Variants in PHYH observed in about 807,000 individuals in gnomAD.
The protein encoded by PHYH is phytanoyl-CoA 2-hydroxylase.
Under a neutral mutation model 38.5 loss-of-function variants are expected in PHYH, and 32 were observed. The ratio of observed to expected loss-of-function variants is 0.83; its 90% CI spans 0.63 to 1.12. PHYH has a LOEUF of 1.12. Ranked by LOEUF, PHYH falls within the 50% of genes most tolerant of loss-of-function variation. The probability of loss-of-function intolerance (pLI) is 0.00; values close to 1 mark genes in which losing one functional copy is unlikely to be tolerated. For synonymous variants in PHYH, 166 were observed against 157.9 expected (o/e 1.05, Z -0.38); for missense variants, 426 against 434.8 (o/e 0.98, Z 0.18).
chr10:13,281,747 T>G (rs1835418750), intron 7 of PHYH, among the ~76,000 whole-genome samples: 1 of 152,196 alleles, frequency 6.6e-6, no homozygotes, highest in Admixed American at 6.5e-5. Flanking sequence ...AAAACTTACC[T>G]TTTTTGTCAC....
intron 5 of PHYH, among the ~76,000 whole-genome samples, chr10:13,289,626 T>C (rs1835653693): frequency 6.6e-6 from 1 of 152,002 alleles, no homozygotes; most frequent in Non-Finnish European, 1.5e-5. Flanking sequence ...CCCTTTGAAG[T>C]GGCTGATGTC....
At position 13,294,908 on chromosome 10, in the gene PHYH, T is replaced by A. The variant is rs537656158; in HGVS notation, c.246-312A>T. On this transcript the variant is annotated intron_variant, in intron 3 of 8. Coordinates refer to ENST00000263038, the MANE Select transcript of PHYH (RefSeq NM_006214.4). ...GTGCCCAGCTCTCTTCAAAGTGGTT[T>A]CCATATATTTCACCGTATTTAGTCC... is the stretch of plus-strand genomic sequence containing the variant. 18 of 400,946 alleles carry A rather than the reference T, an allele frequency of 4.5e-5. 1 individual carries two copies. The highest frequency in any genetic ancestry group is 3.5e-4 in the South Asian group (16 of 45,724). 24.8% of individuals were successfully genotyped at this position (400,946 alleles called of 1,614,324 possible).
In PHYH at chr10:13,288,428, C is replaced by T. The variant is rs104894173; in HGVS notation, c.610G>A (p.Gly204Ser). 1.6e-5 allele frequency: 26 copies of T among 1,614,054 alleles called. No individual in the cohort carries two copies. The highest frequency in any genetic ancestry group is 1.6e-4 in the Middle Eastern group (1 of 6,070). The part of the protein sequence containing the change: ...TAMEHISRNN[G>S]CLVVLPGTHK... ...GTGCCTGGGAGCACAACCAGACAGC[C>T]GTTGTTCCGGCTGATGTGCTCCATC... The change falls in exon 6 of 9, where the codon GGC becomes AGC. Residue 204 changes from glycine (G) to serine (S), a missense_variant. By Grantham distance (56) the Gly-to-Ser change is moderately conservative. Transcript: ENST00000263038.
At chr10:13,293,158 T>A (rs1835754962) in intron 4 of PHYH, among the ~76,000 whole-genome samples, 2 of 152,152 alleles carry the variant, frequency 1.3e-5, no homozygotes, top group Non-Finnish European at 2.9e-5. Context: ...TAAAGCCTGG[T>A]ATTTTTTTGT....
At chr10:13,282,479 C>G (rs1228523447) in intron 7 of PHYH, among the ~76,000 whole-genome samples, 1 of 151,050 alleles carries the variant, frequency 6.6e-6, no homozygotes, top group African/African-American at 2.4e-5. Context: ...GTAGTCTCAG[C>G]TACTCACGAG....
chr10:13,278,575 C>T (rs982401092), intron 8 of PHYH, among the ~76,000 whole-genome samples: 4 of 152,168 alleles, frequency 2.6e-5, no homozygotes, highest in Admixed American at 6.5e-5. Context: ...AGTCTCACCC[C>T]ATTGCCCAGG....
At chr10:13,282,338 C>T (rs1835431650) in intron 7 of PHYH, among the ~76,000 whole-genome samples, 7 of 151,916 alleles carry the variant, frequency 4.6e-5, no homozygotes. Flanking sequence ...CATCTGTCAT[C>T]CTAGCATTTT....
rs201383447 is a variant in PHYH, at chr10:13,288,480, G to A, written c.558C>T (p.Ser186=). 1.2e-6 allele frequency: 2 copies of A among 1,614,186 alleles called. No individual in the cohort carries two copies. Among genetic ancestry groups the A allele is most frequent in the East Asian group, 2.2e-5 (1 of 44,870 alleles). The part of the protein sequence containing the change: ...QDLHYFPFRP[S]DLIVCAWTAM... ...CCGTCCAGGCGCAAACGATGAGATCGCTGGGCCTGAAGGGGAAATAGTGCA... is the reference window on the plus strand; with the variant it reads ...CCGTCCAGGCGCAAACGATGAGATCACTGGGCCTGAAGGGGAAATAGTGCA... The change falls in exon 6 of 9, where the codon AGC becomes AGT. Residue 186 remains serine, a synonymous_variant. Coordinates refer to ENST00000263038, the MANE Select transcript of PHYH (RefSeq NM_006214.4).
At chr10:13,285,346 G>T (rs1192343686) in intron 6 of PHYH, among the ~76,000 whole-genome samples, 1 of 151,854 alleles carries the variant, frequency 6.6e-6, no homozygotes, top group African/African-American at 2.4e-5. Context: ...ACCATGCCTG[G>T]CTAATTTTTG....
At chr10:13,288,650 A>G in intron 5 of PHYH, 109 bp from the exon 6 acceptor site, 6 of 1,075,388 alleles carry the variant, frequency 5.6e-6, no homozygotes, top group Non-Finnish European at 7.1e-6. Context: ...TGGGAGGCTG[A>G]GGCAGATGGA....
intron 7 of PHYH, 129 bp downstream of exon 7, chr10:13,283,561 C>T: frequency 9.6e-7 from 1 of 1,046,322 alleles, no homozygotes; most frequent in East Asian, 2.6e-5. Flanking sequence ...GGTTAAAAGC[C>T]ACAAATCTTT....
At chr10:13,298,152 T>C (rs1231549601) in intron 2 of PHYH, 35 bp downstream of exon 2, 9 of 1,347,520 alleles carry the variant, frequency 6.7e-6, no homozygotes, top group Non-Finnish European at 8.5e-6. Flanking sequence ...TTTATATACA[T>C]AATATATTTC....
At chr10:13,284,657 T>C (rs1032212395) in intron 6 of PHYH, among the ~76,000 whole-genome samples, 7 of 152,228 alleles carry the variant, frequency 4.6e-5, no homozygotes, top group East Asian at 1.9e-4. Context: ...AAGGCACTTA[T>C]GTTACATCCA....
intron 6 of PHYH, among the ~76,000 whole-genome samples, chr10:13,284,819 C>G (rs555572623): frequency 6.6e-6 from 1 of 152,264 alleles, no homozygotes; most frequent in African/African-American, 2.4e-5. Context: ...CAGCCCATTC[C>G]TCTTCCTAAG....
intron 5 of PHYH, among the ~76,000 whole-genome samples, chr10:13,290,883 A>G: frequency 6.6e-6 from 1 of 152,032 alleles, no homozygotes; most frequent in East Asian, 1.9e-4. Flanking sequence ...GATCATCTGA[A>G]GTCAGGAGTT....
intron 5 of PHYH, among the ~76,000 whole-genome samples, chr10:13,290,631 G>A (rs191217026): frequency 1.6e-3 from 240 of 152,198 alleles, no homozygotes; most frequent in African/African-American, 5.5e-3. Context: ...GAACTCCTGG[G>A]CTCCAGCGAT....
In PHYH at chr10:13,295,527, G is replaced by A. The variant is rs771973307; in HGVS notation, c.214C>T (p.Leu72Phe). ...EENGFLVIKN[L>F]VPDADIQRFR... ...CGTTGAATATCGGCATCAGGTACAA[G>A]ATTTTTGATTACTAGAAACCCATTT... Residue 72 changes from leucine (L) to phenylalanine (F), a missense_variant, in exon 3 of 9, where the codon CTT becomes TTT. Coordinates refer to ENST00000263038, the MANE Select transcript of PHYH (RefSeq NM_006214.4). 4 of 1,564,786 alleles carry A rather than the reference G, an allele frequency of 2.6e-6. No homozygotes were observed. The highest frequency in any genetic ancestry group is 2.6e-6 in the Non-Finnish European group (3 of 1,135,026).
intron 7 of PHYH, among the ~76,000 whole-genome samples, chr10:13,282,994 CT>C (rs1554782572): frequency 2.5e-5 from 2 of 79,678 alleles, no homozygotes; most frequent in African/African-American, 7.2e-5. Context: ...GTGATTTTTT[CT>C]TTTTTAGTAG....
At position 13,291,841 on chromosome 10, in the gene PHYH, A is replaced by G; in HGVS notation, c.486T>C (p.Pro162=). 1 of 1,604,418 alleles carries G rather than the reference A, an allele frequency of 6.2e-7. No individual in the cohort carries two copies. Among genetic ancestry groups the G allele is most frequent in the Non-Finnish European group, 8.5e-7 (1 of 1,171,860 alleles). Residue 162 remains proline, a synonymous_variant, in exon 5 of 9, where the codon CCT becomes CCC. Transcript: ENST00000263038. ...CTCCCTTACAATTACCAGAATCTGGAGGTTTGTTTATCAACATTGTGTGCA... is the reference window on the plus strand; with the variant it reads ...CTCCCTTACAATTACCAGAATCTGGGGGTTTGTTTATCAACATTGTGTGCA... ...MAMHTMLINK[P]PDSGKKTSRH... is the part of the protein sequence containing the mutation.
Sources: gnomAD v4.1 joint callset for allele counts (sites outside exome capture counted in the v4.1 genomes callset) on GRCh38, gnomAD v4.1.1 for gene constraint, MANE v1.5 for transcripts, NCBI Gene and HGNC (gene_info 2026-07-23, HGNC 2026-07-21) for gene names.